Variants in TMEM263 observed in about 807,000 individuals in gnomAD.
The protein encoded by TMEM263 is transmembrane protein 263, also known as UPF0444 transmembrane protein C12orf23.
Under a neutral mutation model 8.6 loss-of-function variants are expected in TMEM263, and 5 were observed. That is an observed-to-expected ratio of 0.58 (90% CI 0.31 to 1.23). The LOEUF (loss-of-function observed/expected upper bound fraction) is 1.23. Ranked by LOEUF, TMEM263 falls within the 50% of genes most tolerant of loss-of-function variation. The pLI is 0.07. For synonymous variants in TMEM263, 50 were observed against 47.9 expected (o/e 1.04, Z -0.18); for missense variants, 104 against 138.8 (o/e 0.75, Z 1.26).
chr12:106,969,384 A>G (rs1951887594), intron 3 of TMEM263, among the ~76,000 whole-genome samples: 1 of 152,160 alleles, frequency 6.6e-6, no homozygotes, highest in Non-Finnish European at 1.5e-5. Context: ...ATATTTTTCC[A>G]TGAAGTTTAG....
chr12:106,960,934 C>T (rs1206475309), intron 2 of TMEM263, among the ~76,000 whole-genome samples: 1 of 151,800 alleles, frequency 6.6e-6, no homozygotes, highest in African/African-American at 2.4e-5. Flanking sequence ...TTTTTTAAAC[C>T]CCAAATTTGG....
chr12:106,971,161 G>C lies in TMEM263; in HGVS notation c.121G>C (p.Gly41Arg), dbSNP rs1490813851. The change falls in exon 4 of 4, where the codon GGT (glycine) becomes CGT (arginine). Residue 41 changes from glycine (G) to arginine (R), a missense_variant. Physicochemically the swap from Gly to Arg is moderately radical, Grantham distance 125. Transcript: ENST00000280756. ...AGGCATGTTGTCCCGTGTGACTGGG[G>C]GTATCTTCAGTGTTACAAAGGGAGC... The part of the protein sequence containing the change: ...QPGMLSRVTG[G>R]IFSVTKGAVG... 1 of 1,614,202 alleles carries C rather than the reference G, an allele frequency of 6.2e-7. No homozygotes were observed. The highest frequency in any genetic ancestry group is 1.7e-5 in the Admixed American group (1 of 60,028).
intron 2 of TMEM263, among the ~76,000 whole-genome samples, chr12:106,964,289 TA>T (rs1316499790): frequency 1.3e-5 from 2 of 152,240 alleles, no homozygotes; most frequent in East Asian, 3.8e-4. Context: ...TTAACTATCC[TA>T]AACAGCAAGT....
intron 2 of TMEM263, among the ~76,000 whole-genome samples, chr12:106,958,350 C>T (rs548322574): frequency 1.3e-5 from 2 of 152,208 alleles, no homozygotes; most frequent in East Asian, 3.9e-4. Flanking sequence ...CTGAAACCCA[C>T]AAACAAGATT....
intron 3 of TMEM263, 77 bp downstream of exon 3, chr12:106,967,257 T>C: frequency 2.1e-6 from 2 of 971,756 alleles, no homozygotes; most frequent in South Asian, 3.3e-5. Context: ...TTTTTACTTA[T>C]TTTATTTTAT....
At chr12:106,967,744 G>A (rs1951865434) in intron 3 of TMEM263, among the ~76,000 whole-genome samples, 1 of 152,162 alleles carries the variant, frequency 6.6e-6, no homozygotes, top group Admixed American at 6.5e-5. Context: ...CATTTTAGAA[G>A]TATAAGTATC....
In TMEM263 at chr12:106,957,169, TGTGTGTGTGTGTG is replaced by T. The variant is rs1443907735; in HGVS notation, c.-7+21_-7+33del. ...CAACAGGTAAACGCGCGCGCCCGTG[TGTGTGTGTGTGTG>T]TGTGTGTGTGTGTGTGTGTGTGTGT... On this transcript the variant is annotated intron_variant, in intron 2 of 3. Coordinates refer to ENST00000280756, the MANE Select transcript of TMEM263 (RefSeq NM_152261.4). 4.1e-5 allele frequency: 2 copies of T among 48,210 alleles called. No homozygotes were observed. The highest frequency in any genetic ancestry group is 5.2e-3 in the African/African-American group (2 of 388). The allele number at this position is 48,210 out of a possible 1,614,324, so 3.0% of individuals were successfully genotyped here.
At chr12:106,957,006 G>A (rs1951703399) in intron 1 of TMEM263, 76 bp from the exon 2 acceptor site, 1 of 890,882 alleles carries the variant, frequency 1.1e-6, no homozygotes, top group Non-Finnish European at 1.3e-6. Context: ...TGATTTTTGC[G>A]TCCTTGTGAA....
chr12:106,965,630 AAAAT>A (rs1010622966), intron 2 of TMEM263, among the ~76,000 whole-genome samples: 7 of 151,780 alleles, frequency 4.6e-5, no homozygotes, highest in Non-Finnish European at 1.0e-4. Flanking sequence ...AAATCACACA[AAAAT>A]AAAGTATCAC....
At chr12:106,967,064 C>T in intron 2 of TMEM263, 47 bp from the exon 3 acceptor site, 3 of 1,259,600 alleles carry the variant, frequency 2.4e-6, no homozygotes, top group Non-Finnish European at 3.4e-6. Context: ...GAGGTAGTCT[C>T]ACATGTTGAG....
rs1345802077 is a variant in TMEM263, at chr12:106,957,508, T to C, written c.-7+359T>C. On this transcript the variant is annotated intron_variant, in intron 2 of 3. Coordinates refer to ENST00000280756, the MANE Select transcript of TMEM263 (RefSeq NM_152261.4). ...CTTTACCTTTGTTTCAGTTATTCGG[T>C]ATTTGCTCTTTTTCTATTTCCGGAA... Among the ~76,000 whole-genome samples the C allele has an allele frequency of 5.3e-5, 8 of 152,262 alleles. No homozygotes were observed. The South Asian group carries it at 1.7e-3, about 32-fold the overall frequency.
chr12:106,956,569 G>A (rs1317071209), intron 1 of TMEM263, among the ~76,000 whole-genome samples: 1 of 152,186 alleles, frequency 6.6e-6, no homozygotes, highest in Non-Finnish European at 1.5e-5. Context: ...CTAACCTAAA[G>A]TAAAAGTGGG....
chr12:106,956,047 G>T lies in TMEM263; in HGVS notation c.-93G>T. The T allele has an allele frequency of 8.1e-6, 8 of 985,510 alleles. No individual in the cohort carries two copies. The highest frequency in any genetic ancestry group is 9.6e-6 in the Non-Finnish European group (8 of 830,006). 61.0% of individuals were successfully genotyped at this position (985,510 alleles called of 1,614,324 possible). ...CACTCCGCCCGGCCCCAGCCCTAGC[G>T]CTGGCCGCGACCCCGGCGGTGAGTG... On this transcript the variant is annotated 5_prime_UTR_variant, in exon 1 of 4. Coordinates refer to ENST00000280756, the MANE Select transcript of TMEM263 (RefSeq NM_152261.4).
intron 2 of TMEM263, among the ~76,000 whole-genome samples, chr12:106,959,896 A>G (rs2136758211): frequency 6.6e-6 from 1 of 152,268 alleles, no homozygotes; most frequent in East Asian, 1.9e-4. Flanking sequence ...TTCAGGAAAA[A>G]AAATCTCAAA....
Position 106,963,989 on chromosome 12 carries a change from A to G in TMEM263, c.-6-3122A>G, listed in dbSNP as rs7309778. On this transcript the variant is annotated intron_variant, in intron 2 of 3. Transcript: ENST00000280756. The stretch of plus-strand genomic sequence containing the variant: ...TATATGTAATTTCCCATATTTCTCT[A>G]TAGGGTATGGTACCTTCTGTTGATT... 4.4e-3 allele frequency among the ~76,000 whole-genome samples: 673 copies of G among 152,256 alleles called. 4 individuals carry two copies. Among genetic ancestry groups the G allele is most frequent in the African/African-American group, 0.015 (642 of 41,542 alleles).
At chr12:106,968,110 T>C (rs1951870024) in intron 3 of TMEM263, among the ~76,000 whole-genome samples, 1 of 152,136 alleles carries the variant, frequency 6.6e-6, no homozygotes, top group Non-Finnish European at 1.5e-5. Context: ...CAAATAGTGA[T>C]CTCCTTGGAG....
chr12:106,966,424 A>G (rs1216500691), intron 2 of TMEM263, among the ~76,000 whole-genome samples: 1 of 152,128 alleles, frequency 6.6e-6, no homozygotes, highest in African/African-American at 2.4e-5. Flanking sequence ...TGTCTTTGTT[A>G]TTGTGAATAG....
rs80117542 is a variant in TMEM263 at position 106,970,028 on chromosome 12, A to T, written c.65-1077A>T. Among the ~76,000 whole-genome samples, 759 of 152,292 alleles carry T rather than the reference A, an allele frequency of 5.0e-3. 5 individuals are homozygous for T. The highest frequency in any genetic ancestry group is 0.017 in the African/African-American group (711 of 41,578). On this transcript the variant is annotated intron_variant, in intron 3 of 3. Coordinates refer to ENST00000280756, the MANE Select transcript of TMEM263 (RefSeq NM_152261.4). Reference sequence around the variant, plus strand: ...AAGAATTACTGAGGCAGTAATTTTAAGTGTTAACCATATCTATAGTTTCTC... The same window carrying T: ...AAGAATTACTGAGGCAGTAATTTTATGTGTTAACCATATCTATAGTTTCTC...
intron 1 of TMEM263, 25 bp downstream of exon 1, chr12:106,956,090 AGG>A: frequency 1.0e-6 from 1 of 971,818 alleles, no homozygotes; most frequent in Non-Finnish European, 1.2e-6. Flanking sequence ...ATGCGAGGGC[AGG>A]GGCGCAGTCC....
Sources: allele counts gnomAD v4.1 joint callset (sites outside exome capture counted in the v4.1 genomes callset), GRCh38; gene constraint gnomAD v4.1.1; transcripts MANE v1.5; gene names NCBI Gene and HGNC (gene_info 2026-07-23, HGNC 2026-07-21).